The following AKAP7 variants were observed in gnomAD, a reference collection of about 807,000 sequenced individuals.
AKAP7 encodes A kinase (PRKA) anchor protein 7.
Under a neutral mutation model 39.5 loss-of-function variants are expected in AKAP7, and 39 were observed. That is an observed-to-expected ratio of 0.99 (90% CI 0.76 to 1.29). The LOEUF (loss-of-function observed/expected upper bound fraction) is 1.29, where lower values mean the gene tolerates loss of function less well. Ranked by LOEUF, AKAP7 falls within the 50% of genes most tolerant of loss-of-function variation. AKAP7 has a pLI of 0.00. For synonymous variants in AKAP7, 140 were observed against 139.1 expected, an observed-to-expected ratio of 1.01 and a Z score of -0.05; for missense variants, 414 against 407.7, an observed-to-expected ratio of 1.02 and a Z score of -0.13.
intron 6 of AKAP7, among the ~76,000 whole-genome samples, 175 bp downstream of exon 6, chr6:131,199,748 G>T (rs1807333035): frequency 1.3e-5 from 2 of 152,202 alleles, no homozygotes; most frequent in African/African-American, 4.8e-5. Flanking sequence ...CTTCCATGGA[G>T]GCTATTTCAG....
intron 5 of AKAP7, 149 bp from the exon 6 acceptor site, chr6:131,199,312 T>C (rs1180732586): frequency 1.7e-6 from 1 of 590,044 alleles, no homozygotes; most frequent in East Asian, 3.0e-5. Flanking sequence ...ATTTTTTCTC[T>C]CTTTTAAAGA....
intron 7 of AKAP7, chr6:131,253,128 C>T (rs373350938): frequency 1.2e-6 from 2 of 1,602,624 alleles, no homozygotes; most frequent in Admixed American, 3.4e-5. Context: ...TGACCCCTCC[C>T]CTCTCCTGCT....
intron 5 of AKAP7, among the ~76,000 whole-genome samples, chr6:131,181,289 C>G (rs1805211638): frequency 6.6e-6 from 1 of 152,144 alleles, no homozygotes; most frequent in Non-Finnish European, 1.5e-5. Context: ...ACTCTTCCAC[C>G]AGGAACATCA....
At chr6:131,158,319 T>C (rs1298077326) in intron 2 of AKAP7, among the ~76,000 whole-genome samples, 1 of 152,136 alleles carries the variant, frequency 6.6e-6, no homozygotes, top group Non-Finnish European at 1.5e-5. Flanking sequence ...CAGACTTCTT[T>C]TCACAATCCT....
chr6:131,251,228 AC>A (rs1812424620), intron 7 of AKAP7, among the ~76,000 whole-genome samples: 2 of 152,196 alleles, frequency 1.3e-5, no homozygotes, highest in Non-Finnish European at 2.9e-5. Context: ...AGAAAAGACA[AC>A]TTAAAGTGGT....
intron 7 of AKAP7, among the ~76,000 whole-genome samples, chr6:131,224,128 G>A (rs976838235): frequency 1.3e-5 from 2 of 152,074 alleles, no homozygotes; most frequent in Admixed American, 6.5e-5. Context: ...CACATTTGGC[G>A]ATGACAATAT....
rs530970381 is a variant in AKAP7, at chr6:131,257,903, G to A, written c.851-23627G>A. Among the ~76,000 whole-genome samples the A allele has an allele frequency of 5.3e-5, 8 of 152,290 alleles. No homozygotes were observed. The South Asian group carries it at 8.3e-4, about 16-fold the overall frequency. On this transcript the variant is annotated intron_variant, in intron 7 of 7. Transcript: ENST00000431975. ...ACTTGCTTGATTTAGGGGACACTCA[G>A]TGTGTATATAAGTAGAAATAAAACC...
intron 6 of AKAP7, among the ~76,000 whole-genome samples, chr6:131,205,994 C>G (rs1368721015): frequency 2.0e-5 from 3 of 152,136 alleles, no homozygotes; most frequent in Non-Finnish European, 4.4e-5. Flanking sequence ...ACTTATTTTT[C>G]TTACTGAATG....
In AKAP7 at chr6:131,282,715, C is replaced by G; in HGVS notation, c.*989C>G. 1.2e-6 allele frequency: 1 copy of G among 834,522 alleles called. No individual in the cohort carries two copies. The allele number at this position is 834,522 out of a possible 1,614,324, so 51.7% of individuals were successfully genotyped here. A position where few individuals can be genotyped will look rare whatever the true frequency, so the allele number is the denominator to read the frequency against. On this transcript the variant is annotated 3_prime_UTR_variant, in exon 8 of 8. Transcript: ENST00000431975. Reference sequence around the variant, plus strand: ...TGATAGTGTCTGCACAACAGCAAACCAACATTTGGTGAGGAATTAGCAATT... The same window carrying G: ...TGATAGTGTCTGCACAACAGCAAACGAACATTTGGTGAGGAATTAGCAATT...
chr6:131,258,511 GAACA>G (rs1372351440), intron 7 of AKAP7, among the ~76,000 whole-genome samples: 1 of 152,166 alleles, frequency 6.6e-6, no homozygotes, highest in Non-Finnish European at 1.5e-5. Flanking sequence ...AACTTGACAT[GAACA>G]AACAGTTCCT....
chr6:131,268,985 A>T (rs750077556), intron 7 of AKAP7, among the ~76,000 whole-genome samples: 1 of 152,210 alleles, frequency 6.6e-6, no homozygotes, highest in Non-Finnish European at 1.5e-5. Context: ...CTTCTTTGTC[A>T]TAAAAATAAT....
At chr6:131,140,401 T>G (rs1345276257) in intron 1 of AKAP7, among the ~76,000 whole-genome samples, 3 of 152,210 alleles carry the variant, frequency 2.0e-5, no homozygotes. Flanking sequence ...GGTGATTAAT[T>G]GAGCTCAGGA....
At position 131,145,284 on chromosome 6, in the gene AKAP7, G is replaced by T. The variant is rs1293843102; in HGVS notation, c.20-1G>T. 1 of 1,483,988 alleles carries T rather than the reference G, an allele frequency of 6.7e-7. No homozygotes were observed. Among genetic ancestry groups the T allele is most frequent in the Non-Finnish European group, 9.1e-7 (1 of 1,104,292 alleles). 91.9% of individuals were successfully genotyped at this position (1,483,988 alleles called of 1,614,324 possible). A position where few individuals can be genotyped will look rare whatever the true frequency, so the allele number is the denominator to read the frequency against. On this transcript the variant is annotated splice_acceptor_variant, in intron 1 of 7. Transcript: ENST00000431975. LOFTEE classifies it high-confidence loss of function. ...TTTTTTCTGTTTGTGATATGTTAAA[G>T]GAGGAATTAATTCCAATGAGTGTGA...
At chr6:131,227,743 C>G (rs1375098683) in intron 7 of AKAP7, among the ~76,000 whole-genome samples, 1 of 152,132 alleles carries the variant, frequency 6.6e-6, no homozygotes, top group Non-Finnish European at 1.5e-5. Flanking sequence ...GCTAAATAGG[C>G]CAGAACAACG....
At chr6:131,162,846 C>T (rs1803119046) in intron 3 of AKAP7, among the ~76,000 whole-genome samples, 1 of 152,166 alleles carries the variant, frequency 6.6e-6, no homozygotes, top group African/African-American at 2.4e-5. Context: ...TTCCTTGCCC[C>T]ATTCCTGTCA....
At chr6:131,241,241 C>A (rs1038181324) in intron 7 of AKAP7, among the ~76,000 whole-genome samples, 4 of 152,106 alleles carry the variant, frequency 2.6e-5, no homozygotes, top group Non-Finnish European at 4.4e-5. Context: ...GTAGTCTAGG[C>A]AGGTCATGAT....
intron 7 of AKAP7, among the ~76,000 whole-genome samples, chr6:131,224,921 T>G (rs1226270884): frequency 6.6e-6 from 1 of 151,758 alleles, no homozygotes; most frequent in Non-Finnish European, 1.5e-5. Context: ...CGGCTAATTT[T>G]TTTTTTAATA....
intron 7 of AKAP7, among the ~76,000 whole-genome samples, chr6:131,273,940 CT>C (rs1161809027): frequency 0.029 from 3,795 of 130,252 alleles, 98 homozygotes; most frequent in East Asian, 0.17. Flanking sequence ...GTTGCCTTTT[CT>C]TTTTTTTTTT....
intron 6 of AKAP7, among the ~76,000 whole-genome samples, chr6:131,201,972 A>G (rs1211737638): frequency 2.6e-5 from 4 of 152,232 alleles, no homozygotes; most frequent in Non-Finnish European, 5.9e-5. Flanking sequence ...GCACTTCTCA[A>G]AAGAAGACAT....
Sources: gnomAD v4.1 joint callset for allele counts (sites outside exome capture counted in the v4.1 genomes callset) on GRCh38, gnomAD v4.1.1 for gene constraint, MANE v1.5 for transcripts, NCBI Gene and HGNC (gene_info 2026-07-23, HGNC 2026-07-21) for gene names.